The following CRADD variants were observed in gnomAD, a reference collection of about 807,000 sequenced individuals.
The protein encoded by CRADD is death domain-containing protein CRADD.
Under a neutral mutation model 15.5 loss-of-function variants are expected in CRADD, and 9 were observed. That is an observed-to-expected ratio of 0.58 (90% CI 0.35 to 1.01). CRADD has a LOEUF of 1.01. CRADD is among the 50% of genes least tolerant of loss of function. The pLI, the probability that CRADD is intolerant of heterozygous loss-of-function variation, is 0.02. For synonymous variants in CRADD, 118 were observed against 107.6 expected (o/e 1.10, Z -0.60); for missense variants, 227 against 250.3 (o/e 0.91, Z 0.63).
In CRADD at chr12:93,814,458, T is replaced by A. The variant is rs139124097; in HGVS notation, c.299-35512T>A. Reference sequence around the variant, plus strand: ...GTGGGAATCCAGCCCGATTGTAATTTAACTTGTTCGAGGGATCTAAATATT... The same window carrying A: ...GTGGGAATCCAGCCCGATTGTAATTAAACTTGTTCGAGGGATCTAAATATT... On this transcript the variant is annotated intron_variant, in intron 2 of 2. Transcript: ENST00000332896. 1.6e-3 allele frequency among the ~76,000 whole-genome samples: 240 copies of A among 152,320 alleles called. 2 individuals carry two copies. Among genetic ancestry groups the A allele is most frequent in the African/African-American group, 5.3e-3 (222 of 41,574 alleles).
intron 2 of CRADD, among the ~76,000 whole-genome samples, chr12:93,707,089 T>G (rs1955967226): frequency 6.6e-6 from 1 of 152,202 alleles, no homozygotes; most frequent in African/African-American, 2.4e-5. Context: ...AGTCATCTCA[T>G]TTGTCTGTGT....
At chr12:93,693,135 G>A (rs968699282) in intron 2 of CRADD, among the ~76,000 whole-genome samples, 3 of 152,102 alleles carry the variant, frequency 2.0e-5, no homozygotes, top group African/African-American at 7.2e-5. Context: ...TATCACTAGA[G>A]AAAATTACCT....
chr12:93,881,039 A>C (rs1310003361), intron 2 of CRADD, among the ~76,000 whole-genome samples: 2 of 152,220 alleles, frequency 1.3e-5, no homozygotes, highest in Non-Finnish European at 1.5e-5. Flanking sequence ...GGGTCCAAGA[A>C]AGCCAACTCC....
At chr12:93,845,563 A>AATATAT (rs757508123) in intron 2 of CRADD, among the ~76,000 whole-genome samples, 248 of 71,424 alleles carry the variant, frequency 3.5e-3, no homozygotes, top group African/African-American at 0.014. Context: ...GTCTCTATTA[A>AATATAT]ATATATATAT....
intron 2 of CRADD, among the ~76,000 whole-genome samples, chr12:93,794,236 C>T (rs1047734133): frequency 9.8e-5 from 15 of 152,286 alleles, no homozygotes; most frequent in Admixed American, 2.0e-4. Flanking sequence ...TGTACTCTTT[C>T]TGAGTAATCT....
At chr12:93,779,342 C>T (rs1592982774) in intron 2 of CRADD, among the ~76,000 whole-genome samples, 1 of 151,862 alleles carries the variant, frequency 6.6e-6, no homozygotes, top group South Asian at 2.1e-4. Context: ...GCGGGAGTAA[C>T]CATGATAGTA....
At chr12:93,774,791 T>C (rs1240517445) in intron 2 of CRADD, among the ~76,000 whole-genome samples, 1 of 152,202 alleles carries the variant, frequency 6.6e-6, no homozygotes, top group Non-Finnish European at 1.5e-5. Flanking sequence ...CAAGGTGATA[T>C]GGATGCAATG....
intron 2 of CRADD, among the ~76,000 whole-genome samples, chr12:93,749,908 A>G (rs1202338260): frequency 6.6e-6 from 1 of 152,216 alleles, no homozygotes; most frequent in Non-Finnish European, 1.5e-5. Context: ...AACTTGGTTC[A>G]GTACAACAAA....
At chr12:93,738,512 C>A in intron 2 of CRADD, 2 of 700,982 alleles carry the variant, frequency 2.9e-6, no homozygotes, top group Non-Finnish European at 5.2e-6. Context: ...GCAACACTGA[C>A]CAAAGCAAAT....
At chr12:93,734,393 T>G (rs1370323455) in intron 2 of CRADD, among the ~76,000 whole-genome samples, 1 of 152,250 alleles carries the variant, frequency 6.6e-6, no homozygotes, top group Non-Finnish European at 1.5e-5. Context: ...TTAAATGACT[T>G]ACTTGGGATA....
At chr12:93,818,953 C>T (rs545453280) in intron 2 of CRADD, among the ~76,000 whole-genome samples, 78 of 152,336 alleles carry the variant, frequency 5.1e-4, no homozygotes, top group African/African-American at 1.8e-3. Flanking sequence ...ATCTAGAGAC[C>T]GCACTGGCGA....
Position 93,824,349 on chromosome 12 carries a change from C to T in CRADD, c.299-25621C>T, listed in dbSNP as rs1430836187. ...CCCTATAATTTCCTAGGTTTGATAG[C>T]ACTTCAATTTTCTAACCATAAAAGC... On this transcript the variant is annotated intron_variant, in intron 2 of 2. Coordinates refer to ENST00000332896, the MANE Select transcript of CRADD (RefSeq NM_003805.5). This position sits in a 1 kb window ranked among gnomAD's most constrained non-coding sequence, Gnocchi z 4.3. Among the ~76,000 whole-genome samples, 1 of 152,022 alleles carries T rather than the reference C, an allele frequency of 6.6e-6. No individual in the cohort carries two copies. Among genetic ancestry groups the T allele is most frequent in the African/African-American group, 2.4e-5 (1 of 41,396 alleles).
intron 2 of CRADD, among the ~76,000 whole-genome samples, chr12:93,711,809 G>A (rs1241977786): frequency 2.0e-5 from 3 of 150,682 alleles, no homozygotes; most frequent in Non-Finnish European, 4.4e-5. Context: ...AGGTTGGAGT[G>A]CAGTGGCACA....
chr12:93,850,247 G>A lies in CRADD; in HGVS notation c.576G>A (p.Ser192=), dbSNP rs373969768. The stretch of plus-strand genomic sequence containing the variant: ...TGCGGGCTGTGGAGGTGGACCCCTC[G>A]CTGCTCCTGCACATGTTGGAGTGAT... The part of the protein sequence containing the change: ...NGLRAVEVDP[S]LLLHMLE The change falls in exon 3 of 3, where the codon TCG becomes TCA. Residue 192 remains serine, a synonymous_variant. Coordinates refer to ENST00000332896, the MANE Select transcript of CRADD (RefSeq NM_003805.5). This position sits in a 1 kb window ranked among gnomAD's most constrained non-coding sequence, Gnocchi z 4.0. 2.9e-5 allele frequency: 46 copies of A among 1,605,342 alleles called. No homozygotes were observed. The highest frequency in any genetic ancestry group is 2.2e-4 in the Admixed American group (13 of 58,898).
chr12:93,818,797 G>A (rs902348539), intron 2 of CRADD, among the ~76,000 whole-genome samples: 1 of 152,166 alleles, frequency 6.6e-6, no homozygotes, highest in Admixed American at 6.5e-5. Context: ...GGGAGACTCT[G>A]TCCCTGAGAA....
At position 93,892,619 on chromosome 12, in the gene CRADD, C is replaced by T. The variant is rs145669173; in HGVS notation, c.299-1431C>T. ...ATGATCTAGTAGGAGTGGGTGGGCA[C>T]GTTGGGTGCCAGGACAGTGATGCCT... On this transcript the variant is annotated intron_variant, in intron 2 of 2. Coordinates refer to the CRADD transcript ENST00000548483. Among the ~76,000 whole-genome samples, 207 of 152,174 alleles carry T rather than the reference C, an allele frequency of 1.4e-3. 1 individual carries two copies. Among genetic ancestry groups the T allele is most frequent in the African/African-American group, 4.5e-3 (187 of 41,526 alleles).
chr12:93,707,451 G>C (rs545892792), intron 2 of CRADD, among the ~76,000 whole-genome samples: 1 of 152,268 alleles, frequency 6.6e-6, no homozygotes, highest in Admixed American at 6.5e-5. Context: ...TCAGATGTCT[G>C]GTGCCTTGAC....
intron 2 of CRADD, chr12:93,738,079 T>A: frequency 2.1e-6 from 1 of 481,570 alleles, no homozygotes; most frequent in East Asian, 3.3e-5. Flanking sequence ...GTTTTTACTG[T>A]AAGTGTTGAA....
At chr12:93,795,654 C>A (rs1295942751) in intron 2 of CRADD, among the ~76,000 whole-genome samples, 4 of 152,216 alleles carry the variant, frequency 2.6e-5, no homozygotes, top group Non-Finnish European at 5.9e-5. Flanking sequence ...CTTTTCCCAA[C>A]TATTTTTAGT....
Sources: gnomAD v4.1 joint callset for allele counts (sites outside exome capture counted in the v4.1 genomes callset) on GRCh38, gnomAD v4.1.1 for gene constraint, Gnocchi (gnomAD v3.1) non-coding constraint, MANE v1.5 for transcripts, NCBI Gene and HGNC (gene_info 2026-07-23, HGNC 2026-07-21) for gene names.